Variants in NIPAL2 observed in about 807,000 individuals in gnomAD.
NIPAL2 encodes NIPA-like protein 2.
Under a neutral mutation model 48.9 loss-of-function variants are expected in NIPAL2, and 43 were observed. The observed-to-expected ratio is 0.88, with a 90% CI of 0.69 to 1.13. The LOEUF (loss-of-function observed/expected upper bound fraction) is 1.13, where lower values mean the gene tolerates loss of function less well. Among genes scored for constraint, NIPAL2 ranks in the 50% most tolerant of loss-of-function variants. NIPAL2 has a pLI of 0.00. For missense variants in NIPAL2, 446 were observed against 461.4 expected, an observed-to-expected ratio of 0.97 and a Z score of 0.31; for synonymous variants, 167 against 174.6, an observed-to-expected ratio of 0.96 and a Z score of 0.34.
chr8:98,258,523 T>G (rs1814043658), intron 1 of NIPAL2, among the ~76,000 whole-genome samples: 3 of 152,166 alleles, frequency 2.0e-5, no homozygotes, highest in Non-Finnish European at 2.9e-5. Flanking sequence ...AAATATGGCC[T>G]GAGAAGGACT....
In NIPAL2 at chr8:98,192,718, A is replaced by C. The variant is rs1810354009; in HGVS notation, c.*260T>G. On this transcript the variant is annotated 3_prime_UTR_variant, in exon 11 of 11. Coordinates refer to ENST00000430223, the MANE Select transcript of NIPAL2 (RefSeq NM_001321635.2). ...TTCCTGCTAGAGCAGCCGGGCTCTG[A>C]GTAAGGTGTAGCTGGCTAGATAATC... 1 of 462,922 alleles carries C rather than the reference A, an allele frequency of 2.2e-6. No homozygotes were observed. Among genetic ancestry groups the C allele is most frequent in the African/African-American group, 1.9e-5 (1 of 51,876 alleles). The allele number at this position is 462,922 out of a possible 1,614,324, so 28.7% of individuals were successfully genotyped here.
intron 6 of NIPAL2, among the ~76,000 whole-genome samples, chr8:98,206,316 G>GTATATATA (rs1554561615): frequency 6.8e-6 from 1 of 147,578 alleles, no homozygotes; most frequent in South Asian, 2.1e-4. Flanking sequence ...GTGTGTGTGT[G>GTATATATA]TATATATATA....
At chr8:98,278,861 A>G (rs1815633445) in intron 1 of NIPAL2, among the ~76,000 whole-genome samples, 1 of 152,216 alleles carries the variant, frequency 6.6e-6, no homozygotes, top group African/African-American at 2.4e-5. Context: ...CGAGGTTTGA[A>G]TATACCAAAC....
intron 1 of NIPAL2, among the ~76,000 whole-genome samples, chr8:98,256,141 A>C (rs1000624139): frequency 6.6e-6 from 1 of 152,020 alleles, no homozygotes; most frequent in African/African-American, 2.4e-5. Context: ...CTCGTGCCTC[A>C]GCCTCCCCAG....
intron 4 of NIPAL2, among the ~76,000 whole-genome samples, chr8:98,234,674 A>G (rs868089397): frequency 2.7e-5 from 4 of 150,510 alleles, no homozygotes; most frequent in Admixed American, 1.3e-4. Context: ...CAGCCTCCCA[A>G]GTAGCTGGGA....
At position 98,205,239 on chromosome 8, in the gene NIPAL2, C is replaced by A; in HGVS notation, c.663G>T (p.Leu221Phe). Residue 221 changes from leucine (L) to phenylalanine (F), a missense_variant, in exon 7 of 11, where the codon TTG becomes TTT. Coordinates refer to ENST00000430223, the MANE Select transcript of NIPAL2 (RefSeq NM_001321635.2). ...LLTLVAILAS[L>F]TVISVKAVSG... ...AGACGGCCTTTACTGAAATAACAGT[C>A]AATGAGGCTGAAAAAGAAAACAAAA... 1 of 1,604,256 alleles carries A rather than the reference C, an allele frequency of 6.2e-7. No homozygotes were observed. Among genetic ancestry groups the A allele is most frequent in the Non-Finnish European group, 8.5e-7 (1 of 1,177,526 alleles).
At chr8:98,284,431 CACACA>C (rs1388164181) in intron 1 of NIPAL2, among the ~76,000 whole-genome samples, 2 of 152,010 alleles carry the variant, frequency 1.3e-5, no homozygotes, top group African/African-American at 4.8e-5. Context: ...CACACACACA[CACACA>C]CACACATACA....
At chr8:98,292,716 C>T (rs979220248) in intron 1 of NIPAL2, among the ~76,000 whole-genome samples, 1 of 146,428 alleles carries the variant, frequency 6.8e-6, no homozygotes. Flanking sequence ...ATCACATCTG[C>T]TAACCCTCTA....
intron 5 of NIPAL2, among the ~76,000 whole-genome samples, chr8:98,213,003 A>G (rs2130727544): frequency 6.6e-6 from 1 of 152,354 alleles, no homozygotes. Flanking sequence ...TCTATAATCC[A>G]GCCATTCCAC....
rs115469666 is a variant in NIPAL2 at position 98,195,633 on chromosome 8, C to T, written c.944+309G>A. 7.0e-3 allele frequency: 1,461 copies of T among 207,368 alleles called. 22 individuals carry two copies. The highest frequency in any genetic ancestry group is 0.032 in the African/African-American group (1,363 of 42,160). The allele number at this position is 207,368 out of a possible 1,614,324, so 12.8% of individuals were successfully genotyped here. A position where few individuals can be genotyped will look rare whatever the true frequency, so the allele number is the denominator to read the frequency against. ...GATCTAATCTAGGGGTTCCCAAGAG[C>T]GAAGTAGGTCTGATACAGTACAGAA... On this transcript the variant is annotated intron_variant, in intron 9 of 10. Transcript: ENST00000430223.
Position 98,286,826 on chromosome 8 carries a change from A to C in NIPAL2, c.135+7177T>G, listed in dbSNP as rs1482188962. 2.7e-5 allele frequency among the ~76,000 whole-genome samples: 4 copies of C among 149,512 alleles called. 1 individual carries two copies. Among genetic ancestry groups the C allele is most frequent in the East Asian group, 3.9e-4 (2 of 5,166 alleles). ...TGAGACTCTGTCAAAAAAAAAAAAA[A>C]AAAAAAAACCAAAAACAAACAAACA... On this transcript the variant is annotated intron_variant, in intron 1 of 10. Coordinates refer to ENST00000430223, the MANE Select transcript of NIPAL2 (RefSeq NM_001321635.2).
chr8:98,203,003 C>T (rs1436822630), intron 8 of NIPAL2, 105 bp downstream of exon 8: 2 of 851,530 alleles, frequency 2.3e-6, no homozygotes, highest in African/African-American at 1.7e-5. Flanking sequence ...CAGGTGGAGG[C>T]AACACAGATC....
chr8:98,220,488 G>A (rs1373106468), intron 5 of NIPAL2, among the ~76,000 whole-genome samples: 1 of 149,942 alleles, frequency 6.7e-6, no homozygotes, highest in East Asian at 2.0e-4. Context: ...ATGGCTCACT[G>A]CAACCTTGAC....
chr8:98,209,457 A>G (rs1159044639), intron 6 of NIPAL2, among the ~76,000 whole-genome samples: 1 of 151,078 alleles, frequency 6.6e-6, no homozygotes, highest in East Asian at 1.9e-4. Flanking sequence ...AAAAAAAAAA[A>G]AAAAAAAAAA....
chr8:98,259,698 T>G (rs1053628293), intron 1 of NIPAL2, among the ~76,000 whole-genome samples: 1 of 152,210 alleles, frequency 6.6e-6, no homozygotes, highest in South Asian at 2.1e-4. Flanking sequence ...TGAAATATTT[T>G]GAGAACAAGC....
In NIPAL2 at chr8:98,195,726, A is replaced by C. The variant is rs1339425067; in HGVS notation, c.944+216T>G. On this transcript the variant is annotated intron_variant, in intron 9 of 10. Transcript: ENST00000430223. ...TTTGGCCTGGAATTGGAAATCCCCA[A>C]TGTTTCAGAACAGCAGAGATATACC... is the stretch of plus-strand genomic sequence containing the variant. 2.0e-5 allele frequency: 8 copies of C among 404,834 alleles called. No individual in the cohort carries two copies. In the South Asian group the frequency reaches 2.1e-4, roughly 11 times the overall value. The allele number at this position is 404,834 out of a possible 1,614,324, so 25.1% of individuals were successfully genotyped here. A position where few individuals can be genotyped will look rare whatever the true frequency, so the allele number is the denominator to read the frequency against.
intron 1 of NIPAL2, 143 bp from the exon 2 acceptor site, chr8:98,254,230 T>A (rs1680788488): frequency 3.6e-6 from 2 of 554,490 alleles, no homozygotes; most frequent in African/African-American, 3.8e-5. Flanking sequence ...GGGATATTAA[T>A]AGGATTTAAT....
chr8:98,224,881 C>T (rs890530849), intron 4 of NIPAL2, among the ~76,000 whole-genome samples: 1 of 151,418 alleles, frequency 6.6e-6, no homozygotes, highest in Non-Finnish European at 1.5e-5. Context: ...CTTAGCCTCC[C>T]GAGTAGCTGG....
intron 6 of NIPAL2, among the ~76,000 whole-genome samples, chr8:98,211,265 A>G (rs955190651): frequency 6.6e-6 from 1 of 152,066 alleles, no homozygotes; most frequent in African/African-American, 2.4e-5. Context: ...CTGTTATCTT[A>G]CATTCCTATT....
Sources: allele counts gnomAD v4.1 joint callset (sites outside exome capture counted in the v4.1 genomes callset), GRCh38; gene constraint gnomAD v4.1.1; transcripts MANE v1.5; gene names NCBI Gene and HGNC (gene_info 2026-07-23, HGNC 2026-07-21).